EEPD1: variants seen among roughly 807,000 people sequenced by gnomAD.
The protein encoded by EEPD1 is endonuclease/exonuclease/phosphatase family domain containing 1, also known as endonuclease/exonuclease/phosphatase family domain-containing protein 1.
In EEPD1, 17 loss-of-function variants were observed where a neutral mutation model predicts 46.3. The ratio of observed to expected loss-of-function variants is 0.37; its 90% CI spans 0.25 to 0.55. The LOEUF (loss-of-function observed/expected upper bound fraction) is 0.55. Ranked by LOEUF, EEPD1 falls within the 20% of genes least tolerant of loss-of-function variation. The pLI is 0.83. For synonymous variants in EEPD1, 313 were observed against 315.6 expected, an observed-to-expected ratio of 0.99 and a Z score of 0.09; for missense variants, 673 against 745.6, an observed-to-expected ratio of 0.90 and a Z score of 1.13.
intron 2 of EEPD1, among the ~76,000 whole-genome samples, chr7:36,158,181 A>T (rs1054256669): frequency 1.3e-5 from 2 of 152,228 alleles, no homozygotes; most frequent in Non-Finnish European, 2.9e-5. Flanking sequence ...TGACTCTATC[A>T]GGCAGCTCCT....
intron 2 of EEPD1, among the ~76,000 whole-genome samples, chr7:36,208,217 G>C (rs1455013684): frequency 6.6e-6 from 1 of 152,150 alleles, no homozygotes; most frequent in Non-Finnish European, 1.5e-5. Context: ...GGGTGGGGTA[G>C]GCAGGCTTAC....
At chr7:36,211,484 T>A (rs1785931777) in intron 2 of EEPD1, among the ~76,000 whole-genome samples, 1 of 152,158 alleles carries the variant, frequency 6.6e-6, no homozygotes, top group South Asian at 2.1e-4. Context: ...CAGAATAAAT[T>A]CCAACTAGAC....
At chr7:36,177,555 A>C (rs1181170852) in intron 2 of EEPD1, among the ~76,000 whole-genome samples, 2 of 152,170 alleles carry the variant, frequency 1.3e-5, no homozygotes, top group Non-Finnish European at 2.9e-5. Flanking sequence ...ACTTAGGATA[A>C]TGGCTTCCAG....
rs1787415240 is a variant in EEPD1, at chr7:36,290,641, T to G, written c.1315+2864T>G. On this transcript the variant is annotated intron_variant, in intron 6 of 7. Transcript: ENST00000242108. Reference sequence around the variant, plus strand: ...GATATGCCAGTCCCCTAGTGGAACCTTCTTCCCTCAGACCTCACCAGGACT... The same window carrying G: ...GATATGCCAGTCCCCTAGTGGAACCGTCTTCCCTCAGACCTCACCAGGACT... Among the ~76,000 whole-genome samples, 10 of 152,292 alleles carry G rather than the reference T, an allele frequency of 6.6e-5. 1 individual carries two copies. In the South Asian group the frequency reaches 2.1e-3, roughly 32 times the overall value.
chr7:36,181,999 C>T (rs1010882680), intron 2 of EEPD1, among the ~76,000 whole-genome samples: 4 of 152,144 alleles, frequency 2.6e-5, no homozygotes, highest in African/African-American at 9.7e-5. Flanking sequence ...TTGATGAAAG[C>T]CATTGACAAG....
At chr7:36,266,910 T>C (rs1787028160) in intron 3 of EEPD1, among the ~76,000 whole-genome samples, 1 of 152,248 alleles carries the variant, frequency 6.6e-6, no homozygotes, top group South Asian at 2.1e-4. Flanking sequence ...ACTTCATTGC[T>C]TTTTCACGGC....
At chr7:36,184,889 C>A (rs1273202277) in intron 2 of EEPD1, among the ~76,000 whole-genome samples, 1 of 152,040 alleles carries the variant, frequency 6.6e-6, no homozygotes, top group Non-Finnish European at 1.5e-5. Context: ...TGCCACCATA[C>A]CTGGCTAATT....
chr7:36,209,042 TTG>T (rs1785875274), intron 2 of EEPD1, among the ~76,000 whole-genome samples: 1 of 152,204 alleles, frequency 6.6e-6, no homozygotes, highest in African/African-American at 2.4e-5. Context: ...CTTCGACAAG[TTG>T]TGCAACCATT....
chr7:36,288,806 G>T (rs763964991), intron 6 of EEPD1, among the ~76,000 whole-genome samples: 13 of 151,322 alleles, frequency 8.6e-5, no homozygotes, highest in Non-Finnish European at 1.3e-4. Context: ...ACAAAGGGGG[G>T]CTATGCCCCA....
intron 3 of EEPD1, among the ~76,000 whole-genome samples, chr7:36,252,146 A>G (rs1786748194): frequency 6.6e-6 from 1 of 152,218 alleles, no homozygotes; most frequent in African/African-American, 2.4e-5. Flanking sequence ...ATTTATAGAA[A>G]AAAAGAACAG....
intron 2 of EEPD1, among the ~76,000 whole-genome samples, chr7:36,234,887 G>C (rs1486753821): frequency 1.3e-5 from 2 of 151,690 alleles, no homozygotes; most frequent in African/African-American, 2.4e-5. Flanking sequence ...TTTACTGTGT[G>C]CTGAGTCCAG....
intron 2 of EEPD1, among the ~76,000 whole-genome samples, chr7:36,185,644 T>C (rs1382598033): frequency 6.6e-6 from 1 of 150,814 alleles, no homozygotes; most frequent in Non-Finnish European, 1.5e-5. Flanking sequence ...ATGCCCATCA[T>C]GTTGCTACTC....
chr7:36,253,188 G>T (rs1383756653), intron 3 of EEPD1, among the ~76,000 whole-genome samples: 1 of 151,990 alleles, frequency 6.6e-6, no homozygotes, highest in Non-Finnish European at 1.5e-5. Context: ...TTTCCCTTGT[G>T]ATTTCTCCCT....
At position 36,154,285 on chromosome 7, in the gene EEPD1, C is replaced by T. The variant is rs200307132; in HGVS notation, c.-40C>T. On this transcript the variant is annotated 5_prime_UTR_variant, in exon 2 of 8. Coordinates refer to ENST00000242108, the MANE Select transcript of EEPD1 (RefSeq NM_030636.3). This position sits in a 1 kb window ranked among gnomAD's most constrained non-coding sequence, Gnocchi z 4.2. ...CCTCCCTAGCCAGAGAGCTCTTCTG[C>T]AGTGGTGCGGCCTTCCCGGGAGCCT... The T allele has an allele frequency of 8.4e-4, 1,317 of 1,574,926 alleles. 1 individual carries two copies. Among genetic ancestry groups the T allele is most frequent in the Non-Finnish European group, 1.1e-3 (1,264 of 1,165,916 alleles).
chr7:36,279,098 C>T (rs975176749), intron 3 of EEPD1, among the ~76,000 whole-genome samples: 33 of 146,556 alleles, frequency 2.3e-4, no homozygotes, highest in African/African-American at 5.0e-4. Context: ...CCGACTCCCC[C>T]GCATCCCCGA....
At chr7:36,165,643 TG>T (rs1361453008) in intron 2 of EEPD1, among the ~76,000 whole-genome samples, 2 of 142,208 alleles carry the variant, frequency 1.4e-5, no homozygotes, top group African/African-American at 2.6e-5. Context: ...GTTTCCATGT[TG>T]ACCAGGATGG....
At chr7:36,201,557 G>A (rs949954288) in intron 2 of EEPD1, among the ~76,000 whole-genome samples, 9 of 152,146 alleles carry the variant, frequency 5.9e-5, no homozygotes, top group African/African-American at 2.2e-4. Context: ...ATCTGCAACC[G>A]GGGATGAACT....
intron 2 of EEPD1, among the ~76,000 whole-genome samples, chr7:36,231,490 C>G (rs955232010): frequency 3.9e-5 from 6 of 152,120 alleles, no homozygotes; most frequent in African/African-American, 1.4e-4. Flanking sequence ...AAGCTCCAGG[C>G]CACTAACAGA....
chr7:36,176,826 A>C (rs984650488), intron 2 of EEPD1, among the ~76,000 whole-genome samples: 3 of 152,222 alleles, frequency 2.0e-5, no homozygotes, highest in Admixed American at 1.3e-4. Context: ...AGTGGGAGGG[A>C]AATAACATAT....
Sources: gnomAD v4.1 joint callset for allele counts (sites outside exome capture counted in the v4.1 genomes callset) on GRCh38, gnomAD v4.1.1 for gene constraint, Gnocchi (gnomAD v3.1) non-coding constraint, MANE v1.5 for transcripts, NCBI Gene and HGNC (gene_info 2026-07-23, HGNC 2026-07-21) for gene names.